DIP2B: variants seen among roughly 807,000 people sequenced by gnomAD.
The protein encoded by DIP2B is DIP2 acetate--CoA ligase B (putative).
A neutral mutation model predicts 198.0 loss-of-function variants in DIP2B; 76 were observed. That is an observed-to-expected ratio of 0.38 (90% CI 0.32 to 0.46). The LOEUF is 0.46. Among genes scored for constraint, DIP2B ranks in the 20% least tolerant of loss-of-function variants. DIP2B has a pLI of 0.99. For synonymous variants in DIP2B, 701 were observed against 739.1 expected, an observed-to-expected ratio of 0.95 and a Z score of 0.84; for missense variants, 1,559 against 1,978.4, an observed-to-expected ratio of 0.79 and a Z score of 4.02.
chr12:50,619,506 C>A (rs969918478), intron 1 of DIP2B, among the ~76,000 whole-genome samples: 1 of 152,120 alleles, frequency 6.6e-6, no homozygotes, highest in Non-Finnish European at 1.5e-5. Flanking sequence ...CTACTCAGGC[C>A]AAGATCGTGA....
chr12:50,557,606 C>A (rs995683074), intron 1 of DIP2B, among the ~76,000 whole-genome samples: 1 of 152,120 alleles, frequency 6.6e-6, no homozygotes, highest in African/African-American at 2.4e-5. Context: ...TAATGGGCTG[C>A]TGGGTGGGGG....
At chr12:50,721,494 C>T in intron 26 of DIP2B, 98 bp downstream of exon 26, 8 of 1,535,320 alleles carry the variant, frequency 5.2e-6, no homozygotes, top group Non-Finnish European at 7.0e-6. Flanking sequence ...CTATGACTTG[C>T]AAGCAGTGTA....
chr12:50,594,499 T>C (rs1958861730), intron 1 of DIP2B, among the ~76,000 whole-genome samples: 1 of 152,258 alleles, frequency 6.6e-6, no homozygotes, highest in Admixed American at 6.5e-5. Flanking sequence ...ATTTGGCTGA[T>C]GTTTCGGTTC....
intron 1 of DIP2B, among the ~76,000 whole-genome samples, chr12:50,576,683 A>G (rs1279490515): frequency 6.6e-6 from 1 of 151,594 alleles, no homozygotes; most frequent in Non-Finnish European, 1.5e-5. Context: ...GGGTTTCACC[A>G]TGTTAGCCAG....
chr12:50,692,510 A>G (rs1289523414), intron 13 of DIP2B, among the ~76,000 whole-genome samples: 1 of 152,184 alleles, frequency 6.6e-6, no homozygotes, highest in Non-Finnish European at 1.5e-5. Flanking sequence ...GAGACCCTCA[A>G]AAACCCGTGA....
At chr12:50,536,009 C>G (rs1260491776) in intron 1 of DIP2B, among the ~76,000 whole-genome samples, 1 of 140,242 alleles carries the variant, frequency 7.1e-6, no homozygotes, top group Non-Finnish European at 1.6e-5. Context: ...TCATCCATGT[C>G]CCTACAAAGG....
At chr12:50,739,084 G>A (rs770487723) in intron 35 of DIP2B, among the ~76,000 whole-genome samples, 1 of 152,214 alleles carries the variant, frequency 6.6e-6, no homozygotes, top group Non-Finnish European at 1.5e-5. Context: ...TAGCCTTGTG[G>A]GTGAGAGCAC....
chr12:50,702,261 G>A lies in DIP2B; in HGVS notation c.2326-1879G>A, dbSNP rs373447455. ...CTCGGGAGGCTGACACAGGAGAACG[G>A]CTTGAACCCGGGAGGTGAAACTTGC... On this transcript the variant is annotated intron_variant, in intron 19 of 37. Transcript: ENST00000301180. Among the ~76,000 whole-genome samples the A allele has an allele frequency of 4.6e-3, 699 of 152,242 alleles. 8 individuals carry two copies. The highest frequency in any genetic ancestry group is 0.016 in the African/African-American group (660 of 41,552).
At chr12:50,566,250 G>A (rs1007847298) in intron 1 of DIP2B, among the ~76,000 whole-genome samples, 1 of 151,900 alleles carries the variant, frequency 6.6e-6, no homozygotes, top group African/African-American at 2.4e-5. Flanking sequence ...ATGTTGCCCA[G>A]GCTGGCCTTA....
At chr12:50,639,140 A>G (rs1319973016) in intron 2 of DIP2B, among the ~76,000 whole-genome samples, 1 of 144,754 alleles carries the variant, frequency 6.9e-6, no homozygotes, top group African/African-American at 2.6e-5. Context: ...CTCAGGCTGG[A>G]GTGCAGTGGC....
chr12:50,607,436 T>G (rs1958993113), intron 1 of DIP2B, among the ~76,000 whole-genome samples: 1 of 152,226 alleles, frequency 6.6e-6, no homozygotes, highest in South Asian at 2.1e-4. Context: ...TTTTAAACAT[T>G]AAGACAAATT....
intron 31 of DIP2B, 25 bp downstream of exon 31, chr12:50,731,562 C>G (rs1376594589): frequency 6.3e-7 from 1 of 1,595,952 alleles, no homozygotes; most frequent in Non-Finnish European, 8.6e-7. Flanking sequence ...CAGCAGGTGG[C>G]CAGTCCCAAA....
intron 4 of DIP2B, among the ~76,000 whole-genome samples, chr12:50,669,653 G>T (rs907306732): frequency 6.6e-6 from 1 of 152,166 alleles, no homozygotes; most frequent in African/African-American, 2.4e-5. Flanking sequence ...TTGAACTCCT[G>T]ACGTCAAGTG....
chr12:50,549,977 AC>A (rs1292345799), intron 1 of DIP2B, among the ~76,000 whole-genome samples: 1 of 151,978 alleles, frequency 6.6e-6, no homozygotes, highest in Non-Finnish European at 1.5e-5. Context: ...AATTTTCTTA[AC>A]CCTCTCTTCT....
At chr12:50,607,423 C>T (rs1420344872) in intron 1 of DIP2B, among the ~76,000 whole-genome samples, 1 of 152,184 alleles carries the variant, frequency 6.6e-6, no homozygotes, top group African/African-American at 2.4e-5. Context: ...AAGATCTAGA[C>T]ATTTTTAAAC....
intron 3 of DIP2B, among the ~76,000 whole-genome samples, chr12:50,654,298 A>T (rs1486342286): frequency 6.6e-6 from 1 of 152,072 alleles, no homozygotes; most frequent in Non-Finnish European, 1.5e-5. Flanking sequence ...GTTTAAAAAA[A>T]GCCATAAACA....
At chr12:50,710,611 G>A (rs1321919913) in intron 22 of DIP2B, among the ~76,000 whole-genome samples, 3 of 152,098 alleles carry the variant, frequency 2.0e-5, no homozygotes, top group African/African-American at 7.2e-5. Context: ...TTTTAGTAGA[G>A]ACAGATTTTC....
At chr12:50,671,508 G>GAATTA in intron 5 of DIP2B, 110 bp downstream of exon 5, 1 of 1,047,160 alleles carries the variant, frequency 9.5e-7, no homozygotes, top group Non-Finnish European at 1.4e-6. Flanking sequence ...CTAAAAAAAA[G>GAATTA]AATTAGAGAA....
At chr12:50,611,944 A>G (rs1959035701) in intron 1 of DIP2B, among the ~76,000 whole-genome samples, 1 of 151,888 alleles carries the variant, frequency 6.6e-6, no homozygotes, top group South Asian at 2.1e-4. Flanking sequence ...CTTGCCTATA[A>G]TCCCAGGACT....
Sources: allele counts gnomAD v4.1 joint callset (sites outside exome capture counted in the v4.1 genomes callset), GRCh38; gene constraint gnomAD v4.1.1; transcripts MANE v1.5; gene names NCBI Gene and HGNC (gene_info 2026-07-23, HGNC 2026-07-21).